Variants in XPNPEP3 observed in about 807,000 individuals in gnomAD.
XPNPEP3 encodes X-prolyl aminopeptidase 3, also known as xaa-Pro aminopeptidase 3.
Under a neutral mutation model 60.0 loss-of-function variants are expected in XPNPEP3, and 41 were observed. The observed-to-expected ratio is 0.68, with a 90% CI of 0.53 to 0.89. XPNPEP3 has a LOEUF of 0.89. XPNPEP3 is among the 40% of genes least tolerant of loss of function. The pLI, the probability that XPNPEP3 is intolerant of heterozygous loss-of-function variation, is 0.00. For synonymous variants in XPNPEP3, 212 were observed against 223.2 expected (o/e 0.95, Z 0.45); for missense variants, 598 against 638.9 (o/e 0.94, Z 0.69).
chr22:40,922,579 A>G, intron 8 of XPNPEP3, 66 bp downstream of exon 8: 1 of 1,558,528 alleles, frequency 6.4e-7, no homozygotes, highest in South Asian at 1.1e-5. Flanking sequence ...TTTACCCTAT[A>G]TAAAGCTAAT....
intron 4 of XPNPEP3, among the ~76,000 whole-genome samples, chr22:40,903,004 T>G (rs570999802): frequency 6.6e-6 from 1 of 152,274 alleles, no homozygotes; most frequent in East Asian, 1.9e-4. Flanking sequence ...TTTGGTCACA[T>G]AGGCATATCC....
intron 8 of XPNPEP3, among the ~76,000 whole-genome samples, chr22:40,923,650 G>A (rs2058224583): frequency 6.6e-6 from 1 of 152,070 alleles, no homozygotes; most frequent in Non-Finnish European, 1.5e-5. Flanking sequence ...TCAGGAGTTC[G>A]AGACCAACCT....
rs1013043091 is a variant in XPNPEP3, at chr22:40,929,629, G to A, written c.*3194G>A. Reference sequence around the variant, plus strand: ...GGTGTTATTGGTAGGCAGAAAGGCTGTTGTAGAATTCTTCTGGTGATTTTC... The same window carrying A: ...GGTGTTATTGGTAGGCAGAAAGGCTATTGTAGAATTCTTCTGGTGATTTTC... On this transcript the variant is annotated 3_prime_UTR_variant, in exon 10 of 10. Transcript: ENST00000357137. The A allele has an allele frequency of 5.3e-5, 8 of 152,190 alleles. No individual in the cohort carries two copies. Among genetic ancestry groups the A allele is most frequent in the African/African-American group, 9.7e-5 (4 of 41,438 alleles). The allele number at this position is 152,190 out of a possible 1,614,324, so 9.4% of individuals were successfully genotyped here. A position where few individuals can be genotyped will look rare whatever the true frequency, so the allele number is the denominator to read the frequency against.
Position 40,927,758 on chromosome 22 carries a change from C to T in XPNPEP3, c.*1323C>T, listed in dbSNP as rs527721743. On this transcript the variant is annotated 3_prime_UTR_variant, in exon 10 of 10. Coordinates refer to ENST00000357137, the MANE Select transcript of XPNPEP3 (RefSeq NM_022098.4). ...GGCGTGGTGGCGGATGCCTGTAGTC[C>T]CAGCTACTCAGGAGGCTGAGGCAGG... 24 of 151,482 alleles carry T rather than the reference C, an allele frequency of 1.6e-4. No individual in the cohort carries two copies. The highest frequency in any genetic ancestry group is 5.8e-4 in the African/African-American group (24 of 41,294). The allele number at this position is 151,482 out of a possible 1,614,324, so 9.4% of individuals were successfully genotyped here.
chr22:40,893,972 G>T (rs972770027), intron 4 of XPNPEP3, among the ~76,000 whole-genome samples: 4 of 152,186 alleles, frequency 2.6e-5, no homozygotes, highest in African/African-American at 9.6e-5. Context: ...AAGTGTGCTT[G>T]TTAGACTGGC....
chr22:40,857,227 A>G lies in XPNPEP3; in HGVS notation c.46A>G (p.Asn16Asp). The G allele has an allele frequency of 6.2e-7, 1 of 1,614,184 alleles. No homozygotes were observed. Residue 16 changes from asparagine (N) to aspartate (D), a missense_variant, in exon 1 of 10, where the codon AAC (asparagine) becomes GAC (aspartate). Physicochemically the swap from Asn to Asp is conservative, Grantham distance 23. Transcript: ENST00000357137. Reference sequence around the variant, plus strand: ...CCCCAAGCTGGTTCCCGCTGTAGCAAACGTCCGCGGCCTCTCAGGTTAGAC... The same window carrying G: ...CCCCAAGCTGGTTCCCGCTGTAGCAGACGTCCGCGGCCTCTCAGGTTAGAC... ...SAPKLVPAVA[N>D]VRGLSGCMLC... is the part of the protein sequence containing the mutation.
At chr22:40,886,584 G>A (rs2058069749) in intron 4 of XPNPEP3, 69 bp downstream of exon 4, 6 of 1,458,440 alleles carry the variant, frequency 4.1e-6, no homozygotes, top group Non-Finnish European at 4.7e-6. Context: ...CAAGCACTTT[G>A]GGAGGCCGAG....
At chr22:40,874,238 G>A (rs1358034990) in intron 2 of XPNPEP3, among the ~76,000 whole-genome samples, 1 of 152,162 alleles carries the variant, frequency 6.6e-6, no homozygotes, top group African/African-American at 2.4e-5. Flanking sequence ...TAGCCTGGGT[G>A]ACAGAGTGTT....
At position 40,910,954 on chromosome 22, in the gene XPNPEP3, G is replaced by A. The variant is rs143076119; in HGVS notation, c.969+1719G>A. ...ACCAGGGAGTCGGAGGTTGCAATGA[G>A]CCGAGATCGCGCCACTGTACTCCAG... On this transcript the variant is annotated intron_variant, in intron 6 of 9. Transcript: ENST00000357137. Among the ~76,000 whole-genome samples the A allele has an allele frequency of 2.3e-3, 351 of 152,326 alleles. 4 individuals are homozygous for A. The Middle Eastern group carries it at 0.024, about 10-fold the overall frequency.
chr22:40,926,545 T>G lies in XPNPEP3; in HGVS notation c.*110T>G. 2 of 1,324,066 alleles carry G rather than the reference T, an allele frequency of 1.5e-6. No homozygotes were observed. The highest frequency in any genetic ancestry group is 2.4e-5 in the South Asian group (2 of 84,608). 82.0% of individuals were successfully genotyped at this position (1,324,066 alleles called of 1,614,324 possible). A position where few individuals can be genotyped will look rare whatever the true frequency, so the allele number is the denominator to read the frequency against. On this transcript the variant is annotated 3_prime_UTR_variant, in exon 10 of 10. Coordinates refer to ENST00000357137, the MANE Select transcript of XPNPEP3 (RefSeq NM_022098.4). ...GTGTGCATTAATATATGCATTCCAT[T>G]TGGGAGCATAGCAGCTGTGTGAATG...
Position 40,929,590 on chromosome 22 carries a change from A to T in XPNPEP3, c.*3155A>T, listed in dbSNP as rs1036262477. 6 of 152,204 alleles carry T rather than the reference A, an allele frequency of 3.9e-5. No homozygotes were observed. The highest frequency in any genetic ancestry group is 1.4e-4 in the African/African-American group (6 of 41,442). The allele number at this position is 152,204 out of a possible 1,614,324, so 9.4% of individuals were successfully genotyped here. A position where few individuals can be genotyped will look rare whatever the true frequency, so the allele number is the denominator to read the frequency against. The stretch of plus-strand genomic sequence containing the variant: ...TGAAACACACTTCTGGTTAGATTCC[A>T]GTCAAGTTCTATAGGTGTTATTGGT... On this transcript the variant is annotated 3_prime_UTR_variant, in exon 10 of 10. Coordinates refer to ENST00000357137, the MANE Select transcript of XPNPEP3 (RefSeq NM_022098.4).
chr22:40,925,205 C>T (rs553985839), intron 9 of XPNPEP3, among the ~76,000 whole-genome samples: 2 of 152,156 alleles, frequency 1.3e-5, no homozygotes, highest in African/African-American at 2.4e-5. Flanking sequence ...TAGTATCCAT[C>T]GCCTTCCTCA....
chr22:40,888,344 A>C (rs551349450), intron 4 of XPNPEP3: 1 of 381,330 alleles, frequency 2.6e-6, no homozygotes, highest in Non-Finnish European at 5.3e-6. Flanking sequence ...CCTGGGTTCA[A>C]GTGATCCTCC....
chr22:40,919,377 A>G (rs2058207984), intron 7 of XPNPEP3, among the ~76,000 whole-genome samples: 1 of 152,200 alleles, frequency 6.6e-6, no homozygotes, highest in Non-Finnish European at 1.5e-5. Context: ...CAACATGGTG[A>G]AACCCCGTCC....
intron 6 of XPNPEP3, among the ~76,000 whole-genome samples, chr22:40,911,043 A>C (rs1036507410): frequency 6.6e-6 from 1 of 152,130 alleles, no homozygotes; most frequent in Non-Finnish European, 1.5e-5. Context: ...ATATGATAAT[A>C]TAAACCTTTC....
At chr22:40,886,783 G>T (rs5758115) in intron 4 of XPNPEP3, among the ~76,000 whole-genome samples, 3,562 of 149,302 alleles carry the variant, frequency 0.024, 186 homozygotes, top group East Asian at 0.2. Flanking sequence ...GCCGAGATCG[G>T]GCCACTGCAC....
At chr22:40,909,933 G>C (rs2058171093) in intron 6 of XPNPEP3, among the ~76,000 whole-genome samples, 1 of 151,960 alleles carries the variant, frequency 6.6e-6, no homozygotes, top group Admixed American at 6.6e-5. Flanking sequence ...GAGCCAAGCA[G>C]ATTTCCTGGG....
intron 1 of XPNPEP3, 99 bp from the exon 2 acceptor site, chr22:40,868,899 AT>A: frequency 1.0e-6 from 1 of 956,612 alleles, no homozygotes; most frequent in Non-Finnish European, 1.7e-6. Flanking sequence ...ATTAGTTTGC[AT>A]TTTTCTAAAG....
At chr22:40,860,463 C>T in intron 1 of XPNPEP3, 2 of 392,478 alleles carry the variant, frequency 5.1e-6, no homozygotes, top group Non-Finnish European at 8.9e-6. Flanking sequence ...TGCTGTTCCT[C>T]CATTGGAAAA....
Sources: gnomAD v4.1 joint callset for allele counts (sites outside exome capture counted in the v4.1 genomes callset) on GRCh38, gnomAD v4.1.1 for gene constraint, MANE v1.5 for transcripts, NCBI Gene and HGNC (gene_info 2026-07-23, HGNC 2026-07-21) for gene names.